DCAF6: variants seen among roughly 807,000 people sequenced by gnomAD.
DCAF6 encodes the protein DDB1 and CUL4 associated factor 6.
Under a neutral mutation model 125.1 loss-of-function variants are expected in DCAF6, and 54 were observed. The ratio of observed to expected loss-of-function variants is 0.43; its 90% confidence interval spans 0.35 to 0.54. The LOEUF (loss-of-function observed/expected upper bound fraction) is 0.54. DCAF6 is among the 20% of genes least tolerant of loss of function. The pLI is 0.01. For missense variants in DCAF6, 934 were observed against 1,161.7 expected (o/e 0.80, Z 2.85); for synonymous variants, 371 against 390.4 (o/e 0.95, Z 0.58).
upstream of DCAF6, chr1:167,936,651 G>A: frequency 2.5e-6 from 1 of 406,314 alleles, no homozygotes; most frequent in Non-Finnish European, 4.4e-6. Context: ...CTGTTGGAGG[G>A]GGGCTGAGGG....
At chr1:167,878,524 T>G in the DCAF6 span, 15 of 1,614,178 alleles carry the variant, frequency 9.3e-6, no homozygotes, top group Non-Finnish European at 1.3e-5. Flanking sequence ...TGGAAGCTCT[T>G]TAAAAAAGTA....
intron 13 of DCAF6, chr1:168,042,775 A>G (rs746786686): frequency 1.5e-5 from 5 of 325,528 alleles, no homozygotes; most frequent in Non-Finnish European, 2.9e-5. Context: ...TACATACTAG[A>G]TAATGAAAGG....
upstream of DCAF6, chr1:167,935,830 G>A (rs376625019): frequency 5.8e-6 from 9 of 1,551,800 alleles, 1 homozygote; most frequent in Admixed American, 9.8e-5. Flanking sequence ...CTCGGGCACC[G>A]GCGGCCGACA....
chr1:167,993,613 GT>G (rs1424277088), intron 7 of DCAF6, among the ~76,000 whole-genome samples, 173 bp downstream of exon 7: 2 of 152,188 alleles, frequency 1.3e-5, no homozygotes, highest in Non-Finnish European at 2.9e-5. Context: ...GCTGAGCGTG[GT>G]GGCACATGCC....
intron 4 of DCAF6, among the ~76,000 whole-genome samples, chr1:167,984,900 A>G (rs1352837344): frequency 1.3e-5 from 2 of 152,196 alleles, no homozygotes; most frequent in South Asian, 2.1e-4. Context: ...TACAAAAGAA[A>G]GAGGTTTATT....
At chr1:168,049,636 T>C (rs1273204725) in intron 16 of DCAF6, among the ~76,000 whole-genome samples, 1 of 147,766 alleles carries the variant, frequency 6.8e-6, no homozygotes, top group East Asian at 2.0e-4. Flanking sequence ...GTTTAGATAA[T>C]CTGCATATAA....
chr1:168,056,152 C>A, intron 17 of DCAF6: 2 of 1,599,448 alleles, frequency 1.3e-6, no homozygotes, highest in Non-Finnish European at 1.7e-6. Flanking sequence ...AATTTTGTCC[C>A]AACTTCAGGG....
chr1:167,899,686 C>G, the DCAF6 span: 2 of 1,556,928 alleles, frequency 1.3e-6, no homozygotes, highest in East Asian at 2.3e-5. Context: ...TTCCCAGCAG[C>G]ACAGGTTTTT....
At chr1:168,035,912 A>G (rs1316931099) in intron 12 of DCAF6, among the ~76,000 whole-genome samples, 1 of 152,038 alleles carries the variant, frequency 6.6e-6, no homozygotes, top group Non-Finnish European at 1.5e-5. Context: ...AAATACAAAA[A>G]TTAGCCAAGT....
At chr1:168,014,027 C>T (rs745327676) in intron 10 of DCAF6, among the ~76,000 whole-genome samples, 7 of 152,144 alleles carry the variant, frequency 4.6e-5, no homozygotes, top group Non-Finnish European at 8.8e-5. Context: ...GTGTGAGTCA[C>T]GGTGCCCTTC....
intron 4 of DCAF6, among the ~76,000 whole-genome samples, chr1:167,980,435 A>C (rs974500731): frequency 6.6e-6 from 1 of 151,268 alleles, no homozygotes; most frequent in Non-Finnish European, 1.5e-5. Context: ...TTACATGCCT[A>C]CCAGCTGTGT....
At chr1:168,045,292 A>G in intron 16 of DCAF6, 65 bp downstream of exon 16, 2 of 1,399,262 alleles carry the variant, frequency 1.4e-6, no homozygotes, top group Non-Finnish European at 1.9e-6. Flanking sequence ...GTTTGAAGTC[A>G]TTGAAGGGAA....
upstream of DCAF6, chr1:167,936,547 AG>A (rs1671237341): frequency 7.3e-6 from 2 of 274,542 alleles, no homozygotes; most frequent in East Asian, 2.4e-4. Flanking sequence ...CTCAGTCCCC[AG>A]GGTGGTCGTC....
chr1:168,023,052 G>C lies in DCAF6; in HGVS notation c.1609+5G>C, dbSNP rs769016719. The C allele has an allele frequency of 2.5e-6, 4 of 1,614,030 alleles. No individual in the cohort carries two copies. Among genetic ancestry groups the C allele is most frequent in the Admixed American group, 1.7e-5 (1 of 60,004 alleles). Reference sequence around the variant, plus strand: ...TGTCACTTGACGAGCAACAGGGTGCGTGCAACAGGAGATGCGCTATGCCCA... The same window carrying C: ...TGTCACTTGACGAGCAACAGGGTGCCTGCAACAGGAGATGCGCTATGCCCA... On this transcript the variant is annotated splice_donor_5th_base_variant and intron_variant, in intron 12 of 21. Coordinates refer to ENST00000367840, the MANE Select transcript of DCAF6 (RefSeq NM_001198956.2).
Position 167,947,216 on chromosome 1 carries a change from G to T in DCAF6, c.98-4584G>T, listed in dbSNP as rs114596703. Among the ~76,000 whole-genome samples the T allele has an allele frequency of 5.1e-3, 777 of 151,988 alleles. 2 individuals carry two copies. The highest frequency in any genetic ancestry group is 0.017 in the Middle Eastern group (5 of 294). On this transcript the variant is annotated intron_variant, in intron 1 of 21. Coordinates refer to ENST00000367840, the MANE Select transcript of DCAF6 (RefSeq NM_001198956.2). ...GTACTTCTGTGGAATCAGTTGTAAT[G>T]TCTCCTTTTTCATTTCTGATTTTAT...
chr1:167,893,116 GGGTGGA>G, the DCAF6 span, among the ~76,000 whole-genome samples: 1 of 152,174 alleles, frequency 6.6e-6, no homozygotes, highest in Non-Finnish European at 1.5e-5. Flanking sequence ...AAATATTGGA[GGGTGGA>G]GGTAGCTCAG....
intron 2 of DCAF6, among the ~76,000 whole-genome samples, chr1:167,963,013 A>G (rs1675852947): frequency 6.6e-6 from 1 of 151,838 alleles, no homozygotes; most frequent in Non-Finnish European, 1.5e-5. Context: ...TAATCCTAGC[A>G]CTTTGGGAGG....
the DCAF6 span, among the ~76,000 whole-genome samples, chr1:167,900,091 C>T: frequency 4.6e-5 from 7 of 152,362 alleles, no homozygotes; most frequent in African/African-American, 1.7e-4. Flanking sequence ...CCCATCCCAA[C>T]AACCATTTCT....
chr1:167,923,247 A>C, the DCAF6 span, among the ~76,000 whole-genome samples: 1 of 152,238 alleles, frequency 6.6e-6, no homozygotes, highest in Non-Finnish European at 1.5e-5. Context: ...TTGTACATCA[A>C]TGTTCATGGT....
Sources: gnomAD v4.1 joint callset for allele counts (sites outside exome capture counted in the v4.1 genomes callset) on GRCh38, gnomAD v4.1.1 for gene constraint, MANE v1.5 for transcripts, NCBI Gene and HGNC (gene_info 2026-07-23, HGNC 2026-07-21) for gene names.